Variants in TRIM24 observed in about 807,000 individuals in gnomAD.
TRIM24 encodes the protein tripartite motif containing 24, also known as transcription intermediary factor 1-alpha.
TRIM24 carries 29 observed loss-of-function variants against 123.9 expected under a neutral mutation model. That is an observed-to-expected ratio of 0.23 (90% confidence interval 0.17 to 0.32). The LOEUF is 0.32. TRIM24 is among the 10% of genes least tolerant of loss of function. The pLI, the probability that TRIM24 is intolerant of heterozygous loss-of-function variation, is 1.00. For synonymous variants in TRIM24, 456 were observed against 461.1 expected, an observed-to-expected ratio of 0.99 and a Z score of 0.14; for missense variants, 932 against 1,295.3, an observed-to-expected ratio of 0.72 and a Z score of 4.31.
intron 1 of TRIM24, among the ~76,000 whole-genome samples, chr7:138,464,748 C>T (rs970145336): frequency 6.6e-6 from 1 of 152,080 alleles, no homozygotes; most frequent in Non-Finnish European, 1.5e-5. Context: ...ATTTCATACA[C>T]TTTTTAGATT....
In TRIM24 at chr7:138,585,171, GAAAGAAGGAAA is replaced by G; in HGVS notation, c.*225_*235del. Reference sequence around the variant, plus strand: ...GGAGATGAATAGAAGAAAGAAAATGGAAAGAAGGAAAAAAGGAGGATAGAAAAAGGATGGAA... The same window carrying G: ...GGAGATGAATAGAAGAAAGAAAATGGAAAGGAGGATAGAAAAAGGATGGAA... On this transcript the variant is annotated 3_prime_UTR_variant, in exon 19 of 19. Coordinates refer to ENST00000343526, the MANE Select transcript of TRIM24 (RefSeq NM_015905.3). 1 of 362,882 alleles carries G rather than the reference GAAAGAAGGAAA, an allele frequency of 2.8e-6. No homozygotes were observed. Among genetic ancestry groups the G allele is most frequent in the Non-Finnish European group, 4.9e-6 (1 of 204,672 alleles). 22.5% of individuals were successfully genotyped at this position (362,882 alleles called of 1,614,324 possible).
intron 6 of TRIM24, among the ~76,000 whole-genome samples, chr7:138,535,738 A>T (rs1320010651): frequency 6.6e-6 from 1 of 151,910 alleles, no homozygotes; most frequent in Non-Finnish European, 1.5e-5. Context: ...CATTCTCCGT[A>T]TTTCCTGAAT....
chr7:138,463,215 A>T (rs1795051948), intron 1 of TRIM24, among the ~76,000 whole-genome samples: 1 of 150,604 alleles, frequency 6.6e-6, no homozygotes, highest in South Asian at 2.1e-4. Flanking sequence ...GACACAGTTT[A>T]AGGTTGGTTT....
intron 1 of TRIM24, among the ~76,000 whole-genome samples, chr7:138,483,722 G>A (rs182807021): frequency 2.6e-5 from 4 of 152,316 alleles, no homozygotes; most frequent in Non-Finnish European, 5.9e-5. Flanking sequence ...GGTTGCACTT[G>A]GGACGGAGTA....
chr7:138,578,287 A>ATG (rs1797808520), intron 14 of TRIM24, among the ~76,000 whole-genome samples: 1 of 152,020 alleles, frequency 6.6e-6, no homozygotes, highest in African/African-American at 2.4e-5. Context: ...TAATAATAAT[A>ATG]ATGATGTAAA....
At chr7:138,491,698 A>G (rs986092003) in intron 1 of TRIM24, among the ~76,000 whole-genome samples, 1 of 152,178 alleles carries the variant, frequency 6.6e-6, no homozygotes, top group African/African-American at 2.4e-5. Context: ...GGTGTATAGG[A>G]GTAGAATGGC....
chr7:138,570,735 GA>G (rs1164179016), intron 10 of TRIM24, 94 bp from the exon 11 acceptor site: 2 of 1,161,606 alleles, frequency 1.7e-6, no homozygotes, highest in Non-Finnish European at 2.3e-6. Context: ...AATTACAGTT[GA>G]ACTCTTCTAC....
intron 1 of TRIM24, among the ~76,000 whole-genome samples, chr7:138,503,640 TA>T (rs1796089349): frequency 6.6e-6 from 1 of 151,460 alleles, no homozygotes; most frequent in Non-Finnish European, 1.5e-5. Context: ...TTTTTTTTTT[TA>T]ATACTTTAAG....
intron 4 of TRIM24, among the ~76,000 whole-genome samples, chr7:138,522,309 C>T (rs978025707): frequency 2.7e-5 from 4 of 150,164 alleles, no homozygotes; most frequent in Non-Finnish European, 5.9e-5. Context: ...GCACCCTGGC[C>T]GAGGCGACAA....
chr7:138,508,350 G>A (rs1796194102), intron 2 of TRIM24, among the ~76,000 whole-genome samples: 1 of 152,080 alleles, frequency 6.6e-6, no homozygotes, highest in African/African-American at 2.4e-5. Context: ...ATGTCCATGT[G>A]TATGCTCATC....
At chr7:138,490,038 C>A (rs1374813204) in intron 1 of TRIM24, among the ~76,000 whole-genome samples, 1 of 152,118 alleles carries the variant, frequency 6.6e-6, no homozygotes, top group Admixed American at 6.6e-5. Context: ...TCCTTGGAGG[C>A]TTTGTTCATT....
intron 2 of TRIM24, among the ~76,000 whole-genome samples, chr7:138,511,297 T>C (rs1796279761): frequency 6.6e-6 from 1 of 150,414 alleles, no homozygotes; most frequent in Non-Finnish European, 1.5e-5. Context: ...CACTTTTTTC[T>C]TTCTTTCTTT....
At chr7:138,500,462 C>G (rs1020050337) in intron 1 of TRIM24, among the ~76,000 whole-genome samples, 3 of 149,460 alleles carry the variant, frequency 2.0e-5, no homozygotes, top group Non-Finnish European at 3.0e-5. Flanking sequence ...ACTCAGGAGG[C>G]TGAAGTGGGA....
chr7:138,466,767 G>T (rs1204948129), intron 1 of TRIM24, among the ~76,000 whole-genome samples: 1 of 151,728 alleles, frequency 6.6e-6, no homozygotes, highest in African/African-American at 2.4e-5. Flanking sequence ...TCATTTTCTT[G>T]GTGTCTTTTG....
At chr7:138,514,191 A>C (rs920471624) in intron 2 of TRIM24, among the ~76,000 whole-genome samples, 2 of 152,138 alleles carry the variant, frequency 1.3e-5, no homozygotes, top group African/African-American at 4.8e-5. Context: ...AGTGGAAAAA[A>C]ATTTTACTGT....
intron 1 of TRIM24, among the ~76,000 whole-genome samples, chr7:138,469,613 C>A (rs979156241): frequency 2.6e-5 from 4 of 152,008 alleles, no homozygotes; most frequent in Non-Finnish European, 4.4e-5. Context: ...TAATTTTACT[C>A]CAGCATTTTG....
rs187735020 is a variant in TRIM24 at position 138,581,274 on chromosome 7, C to A, written c.2719-423C>A. On this transcript the variant is annotated intron_variant, in intron 16 of 18. Transcript: ENST00000343526. ...ACTACTCAGTGGTTACTGGGATAAA[C>A]CCATAAAGCAGGGAAGTATATGAAT... Among the ~76,000 whole-genome samples the A allele has an allele frequency of 4.6e-5, 7 of 152,288 alleles. No homozygotes were observed. The East Asian group carries it at 1.4e-3, about 29-fold the overall frequency.
At chr7:138,535,686 T>C (rs1796854584) in intron 6 of TRIM24, among the ~76,000 whole-genome samples, 1 of 152,190 alleles carries the variant, frequency 6.6e-6, no homozygotes, top group South Asian at 2.1e-4. Context: ...ATCTGATAAT[T>C]ATGTGTCTTG....
chr7:138,525,557 T>G (rs147770194), intron 5 of TRIM24, among the ~76,000 whole-genome samples, 200 bp downstream of exon 5: 533 of 152,308 alleles, frequency 3.5e-3, no homozygotes, highest in African/African-American at 0.012. Context: ...TAAACTACAC[T>G]TAGTATTTTA....
Sources: allele counts gnomAD v4.1 joint callset (sites outside exome capture counted in the v4.1 genomes callset), GRCh38; gene constraint gnomAD v4.1.1; transcripts MANE v1.5; gene names NCBI Gene and HGNC (gene_info 2026-07-23, HGNC 2026-07-21).